Variants in ZNF507 observed in about 807,000 individuals in gnomAD.
ZNF507 encodes the protein zinc finger protein 507.
ZNF507 carries 29 observed loss-of-function variants against 80.0 expected under a neutral mutation model. The observed-to-expected ratio is 0.36, with a 90% CI of 0.27 to 0.49. ZNF507 has a LOEUF of 0.49. Among genes scored for constraint, ZNF507 ranks in the 20% least tolerant of loss-of-function variants. The pLI is 0.98. For synonymous variants in ZNF507, 462 were observed against 422.5 expected (o/e 1.09, Z -1.15); for missense variants, 1,081 against 1,152.2 (o/e 0.94, Z 0.90).
chr19:32,382,184 T>C (rs757976301), intron 5 of ZNF507: 18 of 288,336 alleles, frequency 6.2e-5, no homozygotes, highest in Non-Finnish European at 7.7e-5. Flanking sequence ...CAAAAATCTT[T>C]CCAAATATTG....
At chr19:32,373,231 A>G (rs1967498300) in intron 5 of ZNF507, among the ~76,000 whole-genome samples, 1 of 151,544 alleles carries the variant, frequency 6.6e-6, no homozygotes, top group African/African-American at 2.4e-5. Context: ...GGGCACATAC[A>G]TTCAGATCAT....
intron 5 of ZNF507, among the ~76,000 whole-genome samples, chr19:32,366,693 A>G (rs1967403810): frequency 6.6e-6 from 1 of 152,244 alleles, no homozygotes; most frequent in African/African-American, 2.4e-5. Flanking sequence ...TTTTGGGCAC[A>G]TATATGAAAT....
Position 32,352,763 on chromosome 19 carries a change from T to C in ZNF507, c.-2-66T>C, listed in dbSNP as rs1967186579. Reference sequence around the variant, plus strand: ...CAGACACTAACATTCTCTTATATTTTCCAAATTACATGCCTGTAATTATCC... The same window carrying C: ...CAGACACTAACATTCTCTTATATTTCCCAAATTACATGCCTGTAATTATCC... On this transcript the variant is annotated intron_variant, in intron 2 of 6. Coordinates refer to ENST00000355898, the MANE Select transcript of ZNF507 (RefSeq NM_001136156.2). 4 of 1,401,678 alleles carry C rather than the reference T, an allele frequency of 2.9e-6. No homozygotes were observed. The East Asian group carries it at 9.2e-5, about 32-fold the overall frequency. 86.8% of individuals were successfully genotyped at this position (1,401,678 alleles called of 1,614,324 possible). A position where few individuals can be genotyped will look rare whatever the true frequency, so the allele number is the denominator to read the frequency against.
chr19:32,358,521 C>T (rs892997018), intron 4 of ZNF507: 13 of 152,196 alleles, frequency 8.5e-5, no homozygotes, highest in African/African-American at 3.1e-4. Flanking sequence ...CACTGCCCTT[C>T]AGGAATCCAA....
At chr19:32,380,478 A>G (rs1054014859) in intron 5 of ZNF507, 2 of 917,930 alleles carry the variant, frequency 2.2e-6, no homozygotes, top group African/African-American at 3.3e-5. Context: ...GCATGCTATC[A>G]CAAAGTTAAA....
intron 2 of ZNF507, among the ~76,000 whole-genome samples, chr19:32,351,507 ATATG>A (rs1320399761): frequency 2.3e-4 from 2 of 8,540 alleles, no homozygotes; most frequent in Non-Finnish European, 4.4e-4. Flanking sequence ...GTGTTTGTGT[ATATG>A]TGTGTGTGTG....
Position 32,353,732 on chromosome 19 carries a change from G to A in ZNF507, c.902G>A (p.Gly301Glu), listed in dbSNP as rs186780661. 6.8e-6 allele frequency: 11 copies of A among 1,614,172 alleles called. No homozygotes were observed. In the Admixed American group the frequency reaches 1.0e-4, roughly 15 times the overall value. ...TCTTCAGCAGCTGCTGCGCCTGGTG[G>A]GGTCGATGCAGTCGTCATTGCTATT... is the stretch of plus-strand genomic sequence containing the variant. ...LDSSAAAAPGGVDAVVIAIGE... is the reference protein window; with the variant it reads ...LDSSAAAAPGEVDAVVIAIGE... The change falls in exon 3 of 7, where the codon GGG becomes GAG. Residue 301 changes from glycine (G) to glutamate (E), a missense_variant. Transcript: ENST00000355898.
intron 5 of ZNF507, among the ~76,000 whole-genome samples, chr19:32,367,306 A>G (rs1165279556): frequency 5.3e-5 from 8 of 152,342 alleles, no homozygotes; most frequent in Admixed American, 5.2e-4. Flanking sequence ...GCCTCTGCCC[A>G]GGCTTTACCT....
chr19:32,379,003 G>A (rs1967589820), intron 5 of ZNF507, among the ~76,000 whole-genome samples: 1 of 152,174 alleles, frequency 6.6e-6, no homozygotes, highest in African/African-American at 2.4e-5. Flanking sequence ...TAGGCGGAAG[G>A]GAGTGGGCAT....
chr19:32,370,594 A>G (rs888301809), intron 5 of ZNF507, among the ~76,000 whole-genome samples: 2 of 152,136 alleles, frequency 1.3e-5, no homozygotes, highest in African/African-American at 4.8e-5. Flanking sequence ...TCCTTCTGCT[A>G]TTGAGTTATA....
intron 3 of ZNF507, among the ~76,000 whole-genome samples, chr19:32,355,794 G>A (rs1212211933): frequency 6.6e-6 from 1 of 152,044 alleles, no homozygotes; most frequent in Non-Finnish European, 1.5e-5. Context: ...GAGGTCAGGA[G>A]ATTGAGACCA....
At chr19:32,368,396 T>C (rs1473301977) in intron 5 of ZNF507, among the ~76,000 whole-genome samples, 1 of 152,188 alleles carries the variant, frequency 6.6e-6, no homozygotes, top group Non-Finnish European at 1.5e-5. Flanking sequence ...CTGGAACACA[T>C]ACATGATTTC....
chr19:32,371,506 C>T lies in ZNF507; in HGVS notation c.2360+10888C>T, dbSNP rs905349164. 1.1e-4 allele frequency among the ~76,000 whole-genome samples: 16 copies of T among 151,310 alleles called. No individual in the cohort carries two copies. In the East Asian group the frequency reaches 1.2e-3, roughly 11 times the overall value. ...AAAAAAAAAAAAAAATGACTGTGCC[C>T]GTCAGCCCAGGAACGTTCTTATCTC... is the stretch of plus-strand genomic sequence containing the variant. On this transcript the variant is annotated intron_variant, in intron 5 of 6. Coordinates refer to ENST00000355898, the MANE Select transcript of ZNF507 (RefSeq NM_001136156.2).
At position 32,353,913 on chromosome 19, in the gene ZNF507, G is replaced by T; in HGVS notation, c.1083G>T (p.Met361Ile). The T allele has an allele frequency of 1.9e-6, 3 of 1,614,150 alleles. No individual in the cohort carries two copies. Among genetic ancestry groups the T allele is most frequent in the Non-Finnish European group, 2.5e-6 (3 of 1,180,042 alleles). ...SVTLDPNEEE[M>I]LEVISDAEEN... is the part of the protein sequence containing the mutation. ...CCCTGGACCCCAATGAGGAAGAAATGCTAGAAGTGATTTCTGATGCAGAGG... is the reference window on the plus strand; with the variant it reads ...CCCTGGACCCCAATGAGGAAGAAATTCTAGAAGTGATTTCTGATGCAGAGG... Residue 361 changes from methionine (M) to isoleucine (I), a missense_variant, in exon 3 of 7, where the codon ATG becomes ATT. Around this residue, in one of 6 missense-constraint regions of ZNF507, gnomAD observed 614 missense variants for 583.9 expected, o/e 1.05. Coordinates refer to ENST00000355898, the MANE Select transcript of ZNF507 (RefSeq NM_001136156.2).
At chr19:32,369,383 T>C (rs959352921) in intron 5 of ZNF507, among the ~76,000 whole-genome samples, 17 of 152,204 alleles carry the variant, frequency 1.1e-4, no homozygotes, top group African/African-American at 4.1e-4. Flanking sequence ...AATGGCTCTG[T>C]CATCAGGAGC....
chr19:32,351,292 GT>G (rs1161848878), intron 2 of ZNF507, among the ~76,000 whole-genome samples: 1 of 152,114 alleles, frequency 6.6e-6, no homozygotes, highest in African/African-American at 2.4e-5. Context: ...AGAGTAAAGT[GT>G]TTGCATTTTT....
intron 5 of ZNF507, among the ~76,000 whole-genome samples, chr19:32,378,001 A>G (rs908759851): frequency 5.9e-5 from 9 of 152,210 alleles, no homozygotes; most frequent in African/African-American, 2.2e-4. Flanking sequence ...CCCCAACCTG[A>G]GGGACATTTT....
chr19:32,372,616 C>T (rs891354329), intron 5 of ZNF507, among the ~76,000 whole-genome samples: 34 of 152,010 alleles, frequency 2.2e-4, no homozygotes, highest in African/African-American at 6.8e-4. Flanking sequence ...ATGCGAAGAA[C>T]GGAAGAACTG....
chr19:32,376,439 T>C (rs921198666), intron 5 of ZNF507, among the ~76,000 whole-genome samples: 1 of 152,146 alleles, frequency 6.6e-6, no homozygotes, highest in Admixed American at 6.5e-5. Flanking sequence ...GTGGGGAATA[T>C]GCAAAGTGAT....
Sources: allele counts gnomAD v4.1 joint callset (sites outside exome capture counted in the v4.1 genomes callset), GRCh38; gene constraint gnomAD v4.1.1; regional missense constraint gnomAD v4.1.1; transcripts MANE v1.5; gene names NCBI Gene and HGNC (gene_info 2026-07-23, HGNC 2026-07-21).